TMCO5A: variants seen among roughly 807,000 people sequenced by gnomAD.
TMCO5A encodes the protein transmembrane and coiled-coil domain-containing protein 5A.
A neutral mutation model predicts 42.3 loss-of-function variants in TMCO5A; 34 were observed. The observed-to-expected ratio is 0.80, with a 90% confidence interval of 0.61 to 1.07. The LOEUF (loss-of-function observed/expected upper bound fraction) is 1.07, where lower values mean the gene tolerates loss of function less well. Among genes scored for constraint, TMCO5A ranks in the 50% least tolerant of loss-of-function variants. The pLI is 0.00. For synonymous variants in TMCO5A, 131 were observed against 115.6 expected (o/e 1.13, Z -0.86); for missense variants, 357 against 327.9 (o/e 1.09, Z -0.69).
At chr15:38,002,500 A>G in the TMCO5A span, among the ~76,000 whole-genome samples, 4 of 149,384 alleles carry the variant, frequency 2.7e-5, no homozygotes, top group Non-Finnish European at 4.5e-5. Flanking sequence ...TTTTGAGACT[A>G]TTTTCTAGAT....
intron 11 of TMCO5A, among the ~76,000 whole-genome samples, chr15:37,961,643 A>G (rs900172222): frequency 1.3e-5 from 2 of 152,074 alleles, no homozygotes; most frequent in African/African-American, 2.4e-5. Flanking sequence ...TCATTTTCAC[A>G]ATATTGATTC....
At chr15:38,039,326 A>G in the TMCO5A span, among the ~76,000 whole-genome samples, 1 of 152,234 alleles carries the variant, frequency 6.6e-6, no homozygotes, top group Non-Finnish European at 1.5e-5. Context: ...GTTAAGTTCA[A>G]GATTATAGCT....
chr15:38,001,230 T>C, the TMCO5A span, among the ~76,000 whole-genome samples: 1 of 152,092 alleles, frequency 6.6e-6, no homozygotes, highest in African/African-American at 2.4e-5. Flanking sequence ...TCTTGCTGCA[T>C]TGACCCCTTT....
chr15:37,963,260 C>T (rs991104609), intron 11 of TMCO5A, among the ~76,000 whole-genome samples: 1 of 152,052 alleles, frequency 6.6e-6, no homozygotes, highest in African/African-American at 2.4e-5. Context: ...TCATTATTGT[C>T]CTTCAGTTAG....
intron 5 of TMCO5A, 46 bp downstream of exon 5, chr15:37,937,442 A>T (rs750857607): frequency 6.2e-6 from 10 of 1,600,496 alleles, no homozygotes; most frequent in Middle Eastern, 1.7e-4. Flanking sequence ...CAACAGCCCC[A>T]TTCATCAAAG....
chr15:38,019,742 G>A, the TMCO5A span, among the ~76,000 whole-genome samples: 1 of 151,732 alleles, frequency 6.6e-6, no homozygotes, highest in East Asian at 1.9e-4. Flanking sequence ...TGAGTAGCTG[G>A]GACTACAGGC....
At chr15:38,026,950 T>C in the TMCO5A span, among the ~76,000 whole-genome samples, 2 of 152,164 alleles carry the variant, frequency 1.3e-5, no homozygotes, top group East Asian at 3.9e-4. Flanking sequence ...GCCTAGATTT[T>C]AGAAGATGTA....
chr15:37,974,357 T>C, the TMCO5A span, among the ~76,000 whole-genome samples: 1 of 152,174 alleles, frequency 6.6e-6, no homozygotes, highest in Non-Finnish European at 1.5e-5. Flanking sequence ...ATACATGTGA[T>C]AGAATTTAGT....
chr15:37,968,771 C>A (rs547613815), downstream of TMCO5A, among the ~76,000 whole-genome samples: 1 of 151,844 alleles, frequency 6.6e-6, no homozygotes, highest in East Asian at 1.9e-4. Flanking sequence ...CTAGTAGAGA[C>A]GGGGTTTCAC....
At chr15:38,036,492 TCTCTCA>T in the TMCO5A span, among the ~76,000 whole-genome samples, 162 of 86,846 alleles carry the variant, frequency 1.9e-3, no homozygotes, top group African/African-American at 8.1e-3. Context: ...TGTCTCTCTC[TCTCTCA>T]CACACACACA....
chr15:37,980,392 G>A, the TMCO5A span, among the ~76,000 whole-genome samples: 8 of 152,140 alleles, frequency 5.3e-5, no homozygotes, highest in African/African-American at 1.9e-4. Flanking sequence ...AGCAGCTCAT[G>A]TCAGTCTAGA....
At chr15:38,024,449 G>T in the TMCO5A span, among the ~76,000 whole-genome samples, 1 of 152,176 alleles carries the variant, frequency 6.6e-6, no homozygotes, top group Admixed American at 6.5e-5. Flanking sequence ...CAGAGAAAAT[G>T]TTGACTCACC....
At chr15:38,032,926 CTTTT>C in the TMCO5A span, among the ~76,000 whole-genome samples, 1 of 100,146 alleles carries the variant, frequency 1.0e-5, no homozygotes. Context: ...AATTTGGTCT[CTTTT>C]TTTTTTTTTT....
chr15:37,950,955 A>G, intron 11 of TMCO5A, 81 bp from the exon 12 acceptor site: 1 of 1,206,156 alleles, frequency 8.3e-7, no homozygotes, highest in Non-Finnish European at 1.2e-6. Flanking sequence ...TAGGAGCCAG[A>G]TATGCATTCA....
chr15:38,012,597 A>G, the TMCO5A span, among the ~76,000 whole-genome samples: 4 of 152,100 alleles, frequency 2.6e-5, no homozygotes, highest in South Asian at 2.1e-4. Flanking sequence ...AGATGTTATG[A>G]TTAGTTCTCA....
chr15:37,990,157 T>TG, the TMCO5A span, among the ~76,000 whole-genome samples: 2 of 152,094 alleles, frequency 1.3e-5, no homozygotes, highest in Admixed American at 6.6e-5. Context: ...CTAATTGTGT[T>TG]GTTCAAGTCT....
downstream of TMCO5A, among the ~76,000 whole-genome samples, chr15:37,970,244 C>G (rs1890648726): frequency 6.6e-6 from 1 of 152,118 alleles, no homozygotes; most frequent in African/African-American, 2.4e-5. Flanking sequence ...GGAGGCCTCA[C>G]AATCATAATG....
At chr15:37,997,643 G>T in the TMCO5A span, among the ~76,000 whole-genome samples, 1 of 152,118 alleles carries the variant, frequency 6.6e-6, no homozygotes, top group Non-Finnish European at 1.5e-5. Context: ...CCAAATCTTG[G>T]CTATTGTGAA....
chr15:37,949,400 G>C (rs1427600786), intron 11 of TMCO5A, among the ~76,000 whole-genome samples: 1 of 152,158 alleles, frequency 6.6e-6, no homozygotes, highest in Non-Finnish European at 1.5e-5. Flanking sequence ...AACCTGGACA[G>C]TTTTAAAGAG....
Sources: allele counts gnomAD v4.1 joint callset (sites outside exome capture counted in the v4.1 genomes callset), GRCh38; gene constraint gnomAD v4.1.1; transcripts MANE v1.5; gene names NCBI Gene and HGNC (gene_info 2026-07-23, HGNC 2026-07-21).